The following NBEAL2 variants were observed in gnomAD, a reference collection of about 807,000 sequenced individuals.
NBEAL2 encodes the protein neurobeachin-like protein 2.
In NBEAL2, 160 loss-of-function variants were observed where a neutral mutation model predicts 299.8. The ratio of observed to expected loss-of-function variants is 0.53; its 90% CI spans 0.47 to 0.61. The LOEUF (loss-of-function observed/expected upper bound fraction) is 0.61. Among genes scored for constraint, NBEAL2 ranks in the 20% least tolerant of loss-of-function variants. NBEAL2 has a pLI of 0.00. For synonymous variants in NBEAL2, 1,493 were observed against 1,542.3 expected (o/e 0.97, Z 0.75); for missense variants, 3,112 against 3,649.0 (o/e 0.85, Z 3.79).
chr3:46,989,248 C>T lies in NBEAL2; in HGVS notation c.352-12C>T. ...CCATGGCGGGGCTAACCCTCTCTCC[C>T]CACACCTACAGCTGAAAGGATGCCC... On this transcript the variant is annotated splice_polypyrimidine_tract_variant and intron_variant, in intron 4 of 53. Transcript: ENST00000450053. This position sits in a 1 kb window ranked among gnomAD's most constrained non-coding sequence, Gnocchi z 5.5. The T allele has an allele frequency of 6.2e-7, 1 of 1,612,150 alleles. No individual in the cohort carries two copies. Among genetic ancestry groups the T allele is most frequent in the Non-Finnish European group, 8.5e-7 (1 of 1,179,106 alleles).
At chr3:46,992,624 A>C in intron 10 of NBEAL2, 69 bp downstream of exon 10, 1 of 1,411,626 alleles carries the variant, frequency 7.1e-7, no homozygotes. Flanking sequence ...CCTGCACTAT[A>C]GCTGGGGAAA....
rs368702758 is a variant in NBEAL2, at chr3:46,994,026, G to A, written c.1197+6G>A. ...GTGACTCCCCCTCGGCCAAGGTGAGGCTGCTGCACTGCAGCTTTAGTAGGG... is the reference window on the plus strand; with the variant it reads ...GTGACTCCCCCTCGGCCAAGGTGAGACTGCTGCACTGCAGCTTTAGTAGGG... On this transcript the variant is annotated splice_donor_region_variant and intron_variant, in intron 11 of 53. Transcript: ENST00000450053. The A allele has an allele frequency of 3.7e-6, 6 of 1,607,462 alleles. No homozygotes were observed. Among genetic ancestry groups the A allele is most frequent in the South Asian group, 1.1e-5 (1 of 89,710 alleles).
Position 47,005,177 on chromosome 3 carries a change from C to T in NBEAL2, c.6420-4C>T, listed in dbSNP as rs2037332146. 1 of 1,613,630 alleles carries T rather than the reference C, an allele frequency of 6.2e-7. No individual in the cohort carries two copies. The highest frequency in any genetic ancestry group is 1.7e-5 in the Admixed American group (1 of 59,996). On this transcript the variant is annotated splice_polypyrimidine_tract_variant and splice_region_variant and intron_variant, in intron 39 of 53. Transcript: ENST00000450053. Reference sequence around the variant, plus strand: ...TCTGCTGACACGTCCAACTGTGGCCCCAGGTATGAAAGCTTTGAGGACCCA... The same window carrying T: ...TCTGCTGACACGTCCAACTGTGGCCTCAGGTATGAAAGCTTTGAGGACCCA...
intron 25 of NBEAL2, 34 bp downstream of exon 25, chr3:46,999,508 A>C (rs770438345): frequency 3.2e-6 from 5 of 1,581,700 alleles, no homozygotes; most frequent in Non-Finnish European, 4.3e-6. Flanking sequence ...GGAGGGGGTG[A>C]CATGTCAGAA....
In NBEAL2 at chr3:47,003,670, A is replaced by T; in HGVS notation, c.5721-146A>T. ...GTGGGGGACAGGGGCTGGGACCAGT[A>T]GGTTCTGGACCCTAGGCAGCCCCTC... On this transcript the variant is annotated intron_variant, in intron 35 of 53. Coordinates refer to ENST00000450053, the MANE Select transcript of NBEAL2 (RefSeq NM_015175.3). The surrounding 1 kb of genome is among the most constrained non-coding windows in gnomAD (Gnocchi z 7.0). 9.1e-7 allele frequency: 1 copy of T among 1,104,288 alleles called. No homozygotes were observed. Among genetic ancestry groups the T allele is most frequent in the Non-Finnish European group, 1.3e-6 (1 of 794,276 alleles). The allele number at this position is 1,104,288 out of a possible 1,614,324, so 68.4% of individuals were successfully genotyped here.
At chr3:46,985,842 G>C (rs566950774) in intron 1 of NBEAL2, among the ~76,000 whole-genome samples, 126 of 152,296 alleles carry the variant, frequency 8.3e-4, no homozygotes, top group African/African-American at 2.6e-3. Flanking sequence ...TGGCACAACC[G>C]ACCAAGGCAG....
At chr3:46,987,128 G>GT (rs1237012627) in intron 1 of NBEAL2, among the ~76,000 whole-genome samples, 1 of 152,228 alleles carries the variant, frequency 6.6e-6, no homozygotes, top group East Asian at 1.9e-4. Context: ...CTCTGCCTAG[G>GT]TTTTTTGGGG....
rs759199563 is a variant in NBEAL2, at chr3:46,999,330, C to T, written c.3559C>T (p.Gln1187Ter). ...CCCCACACAGATCCTGCGCAGACTGCAGCAGAATGAGCGGCTACCTGAGCG... is the reference window on the plus strand; with the variant it reads ...CCCCACACAGATCCTGCGCAGACTGTAGCAGAATGAGCGGCTACCTGAGCG... ...DRVCKILRRLQQNERLPERSR... is the reference protein window; with the variant it reads ...DRVCKILRRL Residue 1187 changes from glutamine (Q) to a stop codon, truncating the protein, a stop_gained, in exon 25 of 54, where the codon CAG becomes TAG. Coordinates refer to ENST00000450053, the MANE Select transcript of NBEAL2 (RefSeq NM_015175.3). LOFTEE classifies it high-confidence loss of function. 6.2e-7 allele frequency: 1 copy of T among 1,610,864 alleles called. No individual in the cohort carries two copies. Among genetic ancestry groups the T allele is most frequent in the South Asian group, 1.1e-5 (1 of 90,846 alleles).
chr3:46,991,805 G>A lies in NBEAL2; in HGVS notation c.926-35G>A, dbSNP rs773089022. On this transcript the variant is annotated intron_variant, in intron 8 of 53. Transcript: ENST00000450053. This position sits in a 1 kb window ranked among gnomAD's most constrained non-coding sequence, Gnocchi z 6.2. ...GGAAGGCTTAAGGCTGCCTAGAGGG[G>A]TCTGGGCAGGGCCTGACCCTTGACC... 6 of 1,569,030 alleles carry A rather than the reference G, an allele frequency of 3.8e-6. No individual in the cohort carries two copies. The highest frequency in any genetic ancestry group is 2.3e-5 in the South Asian group (2 of 85,862).
At position 46,998,456 on chromosome 3, in the gene NBEAL2, C is replaced by A; in HGVS notation, c.3119-7C>A. 6.2e-7 allele frequency: 1 copy of A among 1,610,094 alleles called. No homozygotes were observed. Among genetic ancestry groups the A allele is most frequent in the Non-Finnish European group, 8.5e-7 (1 of 1,178,306 alleles). On this transcript the variant is annotated splice_region_variant and splice_polypyrimidine_tract_variant and intron_variant, in intron 21 of 53. Coordinates refer to ENST00000450053, the MANE Select transcript of NBEAL2 (RefSeq NM_015175.3). ...GTGGCCTGAGCCCTCTGCTCATTCC[C>A]GCTCAGGTCACATCCAGTACATGTC...
At chr3:46,987,656 G>A (rs576171396) in intron 1 of NBEAL2, among the ~76,000 whole-genome samples, 18 of 152,306 alleles carry the variant, frequency 1.2e-4, no homozygotes, top group Non-Finnish European at 1.5e-4. Flanking sequence ...GGCCTTGCGC[G>A]CAGGTCAGGG....
At chr3:46,990,770 G>C (rs896906095) in intron 6 of NBEAL2, among the ~76,000 whole-genome samples, 1 of 152,312 alleles carries the variant, frequency 6.6e-6, no homozygotes, top group Admixed American at 6.5e-5. Context: ...CATGGGCGTG[G>C]GGGGAGGTGG....
chr3:46,997,716 A>G (rs375051499), intron 20 of NBEAL2, 22 bp downstream of exon 20: 3 of 1,487,578 alleles, frequency 2.0e-6, no homozygotes, highest in Non-Finnish European at 2.7e-6. Flanking sequence ...TGGGACAGGC[A>G]TGGGGGTTAG....
chr3:46,996,134 T>C, intron 15 of NBEAL2, 83 bp downstream of exon 15: 1 of 1,545,660 alleles, frequency 6.5e-7, no homozygotes, highest in Non-Finnish European at 8.7e-7. Flanking sequence ...GGAGCCCTTG[T>C]GTCCCGTGCT....
chr3:47,006,333 G>A lies in NBEAL2; in HGVS notation c.7018G>A (p.Glu2340Lys). 6.3e-7 allele frequency: 1 copy of A among 1,599,840 alleles called. No individual in the cohort carries two copies. The highest frequency in any genetic ancestry group is 8.5e-7 in the Non-Finnish European group (1 of 1,173,522). Reference sequence around the variant, plus strand: ...GTGCTGACCAGCCACTTACCCACAGGAGCCACATCCAACTCGGCTCTCAGC... The same window carrying A: ...GTGCTGACCAGCCACTTACCCACAGAAGCCACATCCAACTCGGCTCTCAGC... ...FGQTPCQLLK[E>K]PHPTRLSAEE... Residue 2340 changes from glutamate (E) to lysine (K), a missense_variant and splice_region_variant, in exon 45 of 54, where the codon GAG becomes AAG. Transcript: ENST00000450053.
Position 47,005,045 on chromosome 3 carries a change from C to G in NBEAL2, c.6368C>G (p.Ser2123Cys). The G allele has an allele frequency of 6.2e-7, 1 of 1,613,616 alleles. No individual in the cohort carries two copies. Among genetic ancestry groups the G allele is most frequent in the Non-Finnish European group, 8.5e-7 (1 of 1,179,774 alleles). ...AACCCAGCCGTCTTCCGGGACCTGTCTAAGCCCATCGGTGTGGTGAACCCC... is the reference window on the plus strand; with the variant it reads ...AACCCAGCCGTCTTCCGGGACCTGTGTAAGCCCATCGGTGTGGTGAACCCC... ...LSNPAVFRDL[S>C]KPIGVVNPKH... is the part of the protein sequence containing the mutation. The change falls in exon 39 of 54, where the codon TCT becomes TGT. Residue 2123 changes from serine (S) to cysteine (C), a missense_variant. Physicochemically the swap from Ser to Cys is moderately radical, Grantham distance 112. Around this residue, in one of 3 missense-constraint regions of NBEAL2, gnomAD observed 521 missense variants for 729.6 expected, o/e 0.71. Transcript: ENST00000450053.
At position 46,998,563 on chromosome 3, in the gene NBEAL2, C is replaced by T; in HGVS notation, c.3219C>T (p.Tyr1073=). ...QFILDALRTH[Y]SPQRERPLAA... is the part of the protein sequence containing the mutation. Reference sequence around the variant, plus strand: ...TCTTGGATGCTCTGCGCACCCACTACAGGTGAGGCCAGTGGGGCCAGATGG... The same window carrying T: ...TCTTGGATGCTCTGCGCACCCACTATAGGTGAGGCCAGTGGGGCCAGATGG... Residue 1073 remains tyrosine (Y), a splice_region_variant and synonymous_variant, in exon 22 of 54, where the codon TAC becomes TAT. Transcript: ENST00000450053. The T allele has an allele frequency of 6.2e-7, 1 of 1,608,732 alleles. No individual in the cohort carries two copies. Among genetic ancestry groups the T allele is most frequent in the Non-Finnish European group, 8.5e-7 (1 of 1,177,764 alleles).
rs1366500443 is a variant in NBEAL2, at chr3:46,989,789, G to A, written c.556+196G>A. Among the ~76,000 whole-genome samples the A allele has an allele frequency of 6.6e-6, 1 of 152,084 alleles. No homozygotes were observed. Among genetic ancestry groups the A allele is most frequent in the East Asian group, 1.9e-4 (1 of 5,184 alleles). ...GGCTGGAGCGAGGGCCTCCCATCAG[G>A]TGGAGGGGTGGGGTCAACCTGCCTA... On this transcript the variant is annotated intron_variant, in intron 6 of 53. Transcript: ENST00000450053. This position sits in a 1 kb window ranked among gnomAD's most constrained non-coding sequence, Gnocchi z 5.5.
chr3:47,006,058 A>G lies in NBEAL2; in HGVS notation c.6914A>G (p.Tyr2305Cys). Reference protein sequence around the residue: ...EALNVFYYCTYEGAVDLDHVT... With the variant: ...EALNVFYYCTCEGAVDLDHVT... ...CTCAATGTCTTCTATTACTGCACCT[A>G]TGAGGGTGGGCAGTGCGCTGGACTC... Residue 2305 changes from tyrosine to cysteine, a missense_variant, in exon 43 of 54, where the codon TAT becomes TGT. Transcript: ENST00000450053. 12 of 1,613,290 alleles carry G rather than the reference A, an allele frequency of 7.4e-6. No homozygotes were observed. Among genetic ancestry groups the G allele is most frequent in the Non-Finnish European group, 1.0e-5 (12 of 1,179,488 alleles).
Sources: allele counts gnomAD v4.1 joint callset (sites outside exome capture counted in the v4.1 genomes callset), GRCh38; gene constraint gnomAD v4.1.1; regional missense constraint gnomAD v4.1.1; non-coding constraint Gnocchi (gnomAD v3.1); transcripts MANE v1.5; gene names NCBI Gene and HGNC (gene_info 2026-07-23, HGNC 2026-07-21).